Variants in ZCCHC24 observed in about 807,000 individuals in gnomAD.
ZCCHC24 encodes the protein zinc finger CCHC-type containing 24, also known as zinc finger CCHC domain-containing protein 24.
Under a neutral mutation model 26.2 loss-of-function variants are expected in ZCCHC24, and 10 were observed. That is an observed-to-expected ratio of 0.38 (90% CI 0.24 to 0.65). ZCCHC24 has a LOEUF of 0.65. Ranked by LOEUF, ZCCHC24 falls within the 30% of genes least tolerant of loss-of-function variation. ZCCHC24 has a pLI of 0.54. For synonymous variants in ZCCHC24, 144 were observed against 147.1 expected (o/e 0.98, Z 0.15); for missense variants, 243 against 329.1 (o/e 0.74, Z 2.03).
chr10:79,407,959 C>T (rs1856741631), intron 2 of ZCCHC24, among the ~76,000 whole-genome samples: 1 of 152,204 alleles, frequency 6.6e-6, no homozygotes, highest in African/African-American at 2.4e-5. Context: ...ACCTGTGACT[C>T]CTCAGCATCT....
At chr10:79,404,190 C>T (rs961238878) in intron 2 of ZCCHC24, among the ~76,000 whole-genome samples, 2 of 152,326 alleles carry the variant, frequency 1.3e-5, no homozygotes, top group Middle Eastern at 3.4e-3. Flanking sequence ...CCCAACACCC[C>T]GTGCCTCCAG....
chr10:79,436,419 G>A (rs1033091689), intron 1 of ZCCHC24, among the ~76,000 whole-genome samples: 8 of 152,108 alleles, frequency 5.3e-5, no homozygotes, highest in South Asian at 2.1e-4. Context: ...AAGCACCCCC[G>A]GCCATAGAGG....
At chr10:79,400,754 G>A (rs1856618057) in intron 2 of ZCCHC24, among the ~76,000 whole-genome samples, 2 of 152,196 alleles carry the variant, frequency 1.3e-5, no homozygotes, top group South Asian at 4.1e-4. Flanking sequence ...CTGGGGCCTG[G>A]GCACTGGCTG....
chr10:79,389,552 G>GTGTC (rs1856446008), intron 3 of ZCCHC24, among the ~76,000 whole-genome samples: 1 of 151,928 alleles, frequency 6.6e-6, no homozygotes, highest in Non-Finnish European at 1.5e-5. Context: ...GTGTGTGTGT[G>GTGTC]TGTGTGTGTG....
chr10:79,402,521 C>T (rs1459485428), intron 2 of ZCCHC24, among the ~76,000 whole-genome samples: 1 of 152,204 alleles, frequency 6.6e-6, no homozygotes, highest in Non-Finnish European at 1.5e-5. Flanking sequence ...GTGATACGCC[C>T]GCCTCGGCCT....
chr10:79,428,433 TTTCAGTTTTGCAAGATA>T (rs1958294733), intron 2 of ZCCHC24, among the ~76,000 whole-genome samples: 1 of 51,022 alleles, frequency 2.0e-5, no homozygotes, highest in Admixed American at 1.5e-4. Context: ...GCAAGATAAA[TTTCAGTTTTGCAAGATA>T]AATTTCAGTT....
At chr10:79,391,314 C>A (rs758995989) in intron 3 of ZCCHC24, among the ~76,000 whole-genome samples, 4 of 151,998 alleles carry the variant, frequency 2.6e-5, no homozygotes, top group African/African-American at 9.7e-5. Context: ...ATGGAGATGG[C>A]GAGGCAGGTG....
intron 3 of ZCCHC24, among the ~76,000 whole-genome samples, chr10:79,390,036 TA>T (rs895099342): frequency 5.3e-5 from 8 of 152,112 alleles, no homozygotes; most frequent in African/African-American, 1.7e-4. Flanking sequence ...GCTAATTGTT[TA>T]AAAAAAATTT....
intron 1 of ZCCHC24, among the ~76,000 whole-genome samples, chr10:79,434,674 C>A (rs979088648): frequency 5.3e-5 from 8 of 152,206 alleles, no homozygotes; most frequent in African/African-American, 1.7e-4. Flanking sequence ...CCACCTCAGA[C>A]CTACCAAAGC....
chr10:79,421,321 C>T (rs1856931198), intron 2 of ZCCHC24, among the ~76,000 whole-genome samples: 1 of 152,160 alleles, frequency 6.6e-6, no homozygotes, highest in African/African-American at 2.4e-5. Flanking sequence ...GGAGAACCCC[C>T]TGCAATGCTA....
intron 2 of ZCCHC24, among the ~76,000 whole-genome samples, chr10:79,395,165 A>G (rs1157971075): frequency 6.6e-6 from 1 of 151,728 alleles, no homozygotes; most frequent in Non-Finnish European, 1.5e-5. Context: ...TGCCTCAGCC[A>G]CCTGAGTAGC....
intron 2 of ZCCHC24, among the ~76,000 whole-genome samples, chr10:79,411,222 G>T (rs148491113): frequency 0.013 from 1,918 of 152,272 alleles, 18 homozygotes; most frequent in Non-Finnish European, 0.02. Context: ...CCACCCTAAA[G>T]CTGATTTGAA....
rs141997000 is a variant in ZCCHC24, at chr10:79,439,958, T to C, written c.246+5237A>G. Among the ~76,000 whole-genome samples, 516 of 152,248 alleles carry C rather than the reference T, an allele frequency of 3.4e-3. 5 individuals carry two copies. The highest frequency in any genetic ancestry group is 0.012 in the African/African-American group (493 of 41,528). ...AGAAGCCAGTTGGAATGTGTCCATG[T>C]ACAAGGGCAGGGAATGGCATTTTAG... On this transcript the variant is annotated intron_variant, in intron 1 of 3. Coordinates refer to ENST00000372336, the MANE Select transcript of ZCCHC24 (RefSeq NM_153367.4).
intron 1 of ZCCHC24, among the ~76,000 whole-genome samples, chr10:79,437,375 G>T (rs1857230056): frequency 6.6e-6 from 1 of 152,166 alleles, no homozygotes; most frequent in Non-Finnish European, 1.5e-5. Context: ...TGATCATGCG[G>T]TGTGTCATAT....
chr10:79,398,725 A>C (rs1856582252), intron 2 of ZCCHC24, among the ~76,000 whole-genome samples: 1 of 152,178 alleles, frequency 6.6e-6, no homozygotes. Context: ...GAGGTTGAGG[A>C]AAGAGGAAAG....
intron 2 of ZCCHC24, among the ~76,000 whole-genome samples, chr10:79,407,094 G>T (rs1341904800): frequency 6.6e-6 from 1 of 152,154 alleles, no homozygotes; most frequent in East Asian, 1.9e-4. Flanking sequence ...GCCACCCTAG[G>T]GCCCCCTCTA....
chr10:79,425,011 C>T (rs1031476420), intron 2 of ZCCHC24, among the ~76,000 whole-genome samples: 1 of 152,274 alleles, frequency 6.6e-6, no homozygotes, highest in South Asian at 2.1e-4. Flanking sequence ...CAGCACAGGC[C>T]TGGTGCACAA....
chr10:79,404,766 G>A (rs989658710), intron 2 of ZCCHC24, among the ~76,000 whole-genome samples: 2 of 152,194 alleles, frequency 1.3e-5, no homozygotes, highest in African/African-American at 4.8e-5. Flanking sequence ...GGGCCTCACC[G>A]CAGAGCTGAG....
Position 79,386,402 on chromosome 10 carries a change from C to T in ZCCHC24, c.669G>A (p.Pro223=), listed in dbSNP as rs377043821. The T allele has an allele frequency of 7.4e-6, 12 of 1,612,090 alleles. No individual in the cohort carries two copies. Among genetic ancestry groups the T allele is most frequent in the African/African-American group, 2.7e-5 (2 of 74,912 alleles). The change falls in exon 4 of 4, where the codon CCG becomes CCA. Residue 223 remains proline (P), a synonymous_variant. Transcript: ENST00000372336. The part of the protein sequence containing the change: ...LDVSDQSKEH[P]QHLCEKCKVL... ...CCTTGCACTTCTCGCAGAGGTGCTG[C>T]GGGTGCTCCTTGCTCTGGTCGGACA...
Sources: gnomAD v4.1 joint callset for allele counts (sites outside exome capture counted in the v4.1 genomes callset) on GRCh38, gnomAD v4.1.1 for gene constraint, MANE v1.5 for transcripts, NCBI Gene and HGNC (gene_info 2026-07-23, HGNC 2026-07-21) for gene names.